The following FSD1L variants were observed in gnomAD, a reference collection of about 807,000 sequenced individuals.
The protein encoded by FSD1L is fibronectin type III and SPRY domain containing 1 like, also known as FSD1-like protein.
FSD1L carries 45 observed loss-of-function variants against 71.6 expected under a neutral mutation model. That is an observed-to-expected ratio of 0.63 (90% CI 0.49 to 0.81). FSD1L has a LOEUF of 0.81. FSD1L is among the 30% of genes least tolerant of loss of function. FSD1L has a pLI of 0.00. For synonymous variants in FSD1L, 197 were observed against 207.2 expected (o/e 0.95, Z 0.42); for missense variants, 561 against 618.1 (o/e 0.91, Z 0.98).
In FSD1L at chr9:105,499,926, C is replaced by T. The variant is rs559535400; in HGVS notation, c.587-6473C>T. The stretch of plus-strand genomic sequence containing the variant: ...ATCTTGCAGGTTTCTATTGAGAGAT[C>T]TTCAAACTCAAAAGATTCTTTCCAG... On this transcript the variant is annotated intron_variant, in intron 7 of 13. Coordinates refer to ENST00000481272, the MANE Select transcript of FSD1L (RefSeq NM_001145313.3). 1.2e-3 allele frequency among the ~76,000 whole-genome samples: 184 copies of T among 152,188 alleles called. 1 individual carries two copies. Among genetic ancestry groups the T allele is most frequent in the Middle Eastern group, 3.4e-3 (1 of 294 alleles).
At chr9:105,500,227 G>A (rs1833683168) in intron 7 of FSD1L, among the ~76,000 whole-genome samples, 1 of 152,210 alleles carries the variant, frequency 6.6e-6, no homozygotes, top group Non-Finnish European at 1.5e-5. Flanking sequence ...CATGTATTGG[G>A]TTAAAGAAAC....
chr9:105,551,542 G>A lies in FSD1L; in HGVS notation c.*5059G>A, dbSNP rs1837262937. On this transcript the variant is annotated 3_prime_UTR_variant, in exon 14 of 14. Coordinates refer to ENST00000481272, the MANE Select transcript of FSD1L (RefSeq NM_001145313.3). ...TAAAGTGTTGTTTTTAGCTAATAAT[G>A]GATTTAAGTGTTTGGATAATTGTAG... The A allele has an allele frequency of 6.6e-6, 1 of 152,116 alleles. No homozygotes were observed. Among genetic ancestry groups the A allele is most frequent in the Admixed American group, 6.5e-5 (1 of 15,270 alleles). The allele number at this position is 152,116 out of a possible 1,614,324, so 9.4% of individuals were successfully genotyped here.
chr9:105,470,295 C>T (rs1831370673), intron 4 of FSD1L, among the ~76,000 whole-genome samples: 1 of 152,078 alleles, frequency 6.6e-6, no homozygotes, highest in African/African-American at 2.4e-5. Context: ...CAAAAAATGT[C>T]TTGGGATTTT....
intron 8 of FSD1L, 133 bp from the exon 9 acceptor site, chr9:105,508,484 C>A (rs956257567): frequency 3.4e-6 from 2 of 592,416 alleles, no homozygotes; most frequent in Non-Finnish European, 6.1e-6. Context: ...GCCCACATAC[C>A]ACTCTTTTAA....
At chr9:105,479,437 A>G in intron 6 of FSD1L, 61 bp downstream of exon 6, 1 of 1,380,648 alleles carries the variant, frequency 7.2e-7, no homozygotes, top group Non-Finnish European at 1.0e-6. Flanking sequence ...TGAAATTCAG[A>G]AATAGTTTTT....
At chr9:105,538,560 G>T (rs1359622802) in intron 12 of FSD1L, among the ~76,000 whole-genome samples, 1 of 152,142 alleles carries the variant, frequency 6.6e-6, no homozygotes, top group Admixed American at 6.5e-5. Flanking sequence ...AGGCCATTTG[G>T]TTGGCCAGTT....
chr9:105,457,221 T>C lies in FSD1L; in HGVS notation c.16-4299T>C, dbSNP rs962245127. Among the ~76,000 whole-genome samples, 4 of 152,142 alleles carry C rather than the reference T, an allele frequency of 2.6e-5. No individual in the cohort carries two copies. The South Asian group carries it at 8.3e-4, about 32-fold the overall frequency. The stretch of plus-strand genomic sequence containing the variant: ...ACTGATAAGTGAGAGGGCTCCTAGG[T>C]AGAAAGCAAGTCAGATTAGATAAAT... On this transcript the variant is annotated intron_variant, in intron 1 of 13. Coordinates refer to ENST00000481272, the MANE Select transcript of FSD1L (RefSeq NM_001145313.3).
Position 105,539,340 on chromosome 9 carries a change from C to A in FSD1L, c.1456C>A (p.Pro486Thr). The A allele has an allele frequency of 6.9e-7, 1 of 1,454,826 alleles. No individual in the cohort carries two copies. The highest frequency in any genetic ancestry group is 9.3e-7 in the Non-Finnish European group (1 of 1,075,608). 90.1% of individuals were successfully genotyped at this position (1,454,826 alleles called of 1,614,324 possible). A position where few individuals can be genotyped will look rare whatever the true frequency, so the allele number is the denominator to read the frequency against. Residue 486 changes from proline (P) to threonine (T), a missense_variant, in exon 13 of 14, where the codon CCT becomes ACT. Coordinates refer to ENST00000481272, the MANE Select transcript of FSD1L (RefSeq NM_001145313.3). ...GACAAAATTTACTCAGCCAGTACTA[C>A]CTGGTTTCATGGTTAGTATGTTTTA... ...FKTKFTQPVL[P>T]GFMVWCGGLS...
intron 10 of FSD1L, chr9:105,522,975 G>A (rs1476750930): frequency 3.1e-6 from 5 of 1,613,932 alleles, no homozygotes; most frequent in Admixed American, 1.7e-5. Context: ...TATCAGCTCA[G>A]ATAGTCATTC....
At chr9:105,535,396 G>T in intron 12 of FSD1L, 78 bp downstream of exon 12, 2 of 1,400,532 alleles carry the variant, frequency 1.4e-6, no homozygotes, top group Non-Finnish European at 2.0e-6. Flanking sequence ...CATCTATACA[G>T]GATTTCCATT....
rs1211630558 is a variant in FSD1L, at chr9:105,550,569, A to G, written c.*4086A>G. The G allele has an allele frequency of 6.6e-6, 1 of 152,028 alleles. No individual in the cohort carries two copies. Among genetic ancestry groups the G allele is most frequent in the Non-Finnish European group, 1.5e-5 (1 of 67,922 alleles). 9.4% of individuals were successfully genotyped at this position (152,028 alleles called of 1,614,324 possible). ...TATGCATGTTCTGAAATTATTTGTG[A>G]TCCTGATATGTCACATATAATAGCT... is the stretch of plus-strand genomic sequence containing the variant. On this transcript the variant is annotated 3_prime_UTR_variant, in exon 14 of 14. Coordinates refer to ENST00000481272, the MANE Select transcript of FSD1L (RefSeq NM_001145313.3).
chr9:105,449,072 A>G (rs2131550802), intron 1 of FSD1L, among the ~76,000 whole-genome samples: 1 of 152,352 alleles, frequency 6.6e-6, no homozygotes, highest in South Asian at 2.1e-4. Context: ...AGTACAGGGT[A>G]GGAAAGAAAA....
intron 12 of FSD1L, among the ~76,000 whole-genome samples, chr9:105,537,219 C>T (rs939809534): frequency 6.6e-6 from 1 of 152,122 alleles, no homozygotes; most frequent in Non-Finnish European, 1.5e-5. Context: ...CAAGTTGACA[C>T]TTAAGCTAAT....
At chr9:105,470,048 A>G (rs188032094) in intron 4 of FSD1L, among the ~76,000 whole-genome samples, 9 of 151,978 alleles carry the variant, frequency 5.9e-5, no homozygotes, top group East Asian at 1.9e-4. Context: ...CTTAGTACCT[A>G]TGTCAGAGAT....
intron 7 of FSD1L, among the ~76,000 whole-genome samples, chr9:105,495,024 C>G (rs558307110): frequency 2.0e-5 from 3 of 152,256 alleles, no homozygotes; most frequent in Non-Finnish European, 4.4e-5. Flanking sequence ...AGCCACTGCT[C>G]TCTTCAAAGC....
At chr9:105,537,007 T>A (rs1836312027) in intron 12 of FSD1L, among the ~76,000 whole-genome samples, 1 of 152,214 alleles carries the variant, frequency 6.6e-6, no homozygotes, top group African/African-American at 2.4e-5. Flanking sequence ...TTACCCTTTT[T>A]TAGTTTCATC....
intron 1 of FSD1L, among the ~76,000 whole-genome samples, chr9:105,456,798 G>A (rs1830385728): frequency 6.6e-6 from 1 of 152,136 alleles, no homozygotes; most frequent in Non-Finnish European, 1.5e-5. Flanking sequence ...AGCAGAATTG[G>A]CATTTGTCAA....
chr9:105,533,414 A>ATTTTTTTTTTTTTT (rs1271918066), intron 10 of FSD1L, among the ~76,000 whole-genome samples: 245 of 13,196 alleles, frequency 0.019, no homozygotes, highest in South Asian at 0.035. Context: ...TGCCATTTCC[A>ATTTTTTTTTTTTTT]TCTTTTTTTT....
intron 10 of FSD1L, chr9:105,521,568 T>A: frequency 6.2e-6 from 10 of 1,613,628 alleles, no homozygotes; most frequent in Non-Finnish European, 8.5e-6. Context: ...ATATCAAGAA[T>A]GGATCCAACA....
Sources: gnomAD v4.1 joint callset for allele counts (sites outside exome capture counted in the v4.1 genomes callset) on GRCh38, gnomAD v4.1.1 for gene constraint, MANE v1.5 for transcripts, NCBI Gene and HGNC (gene_info 2026-07-23, HGNC 2026-07-21) for gene names.